RBMS3: variants seen among roughly 807,000 people sequenced by gnomAD.
RBMS3 encodes the protein RNA binding motif single stranded interacting protein 3.
A neutral mutation model predicts 66.8 loss-of-function variants in RBMS3; 27 were observed. The observed-to-expected ratio is 0.40, with a 90% CI of 0.30 to 0.56. The LOEUF is 0.56. RBMS3 is among the 20% of genes least tolerant of loss of function. The pLI is 0.40. For missense variants in RBMS3, 513 were observed against 549.5 expected, an observed-to-expected ratio of 0.93 and a Z score of 0.66; for synonymous variants, 188 against 183.0, an observed-to-expected ratio of 1.03 and a Z score of -0.22.
intron 1 of RBMS3, among the ~76,000 whole-genome samples, chr3:29,423,370 C>T (rs150602596): frequency 1.8e-4 from 27 of 152,256 alleles, no homozygotes; most frequent in African/African-American, 6.3e-4. Flanking sequence ...ATTTTTACTT[C>T]CTACAAATCT....
chr3:29,284,634 ATC>A (rs1302060308), intron 1 of RBMS3, among the ~76,000 whole-genome samples: 1 of 152,064 alleles, frequency 6.6e-6, no homozygotes, highest in Non-Finnish European at 1.5e-5. Context: ...ATTGGAATGA[ATC>A]TCTCAACTTT....
intron 5 of RBMS3, among the ~76,000 whole-genome samples, chr3:29,742,331 C>T (rs1307977956): frequency 1.3e-5 from 2 of 152,114 alleles, no homozygotes; most frequent in African/African-American, 4.8e-5. Context: ...ACAGTGAGCC[C>T]TTCAATATTC....
chr3:29,647,627 T>C (rs974353166), intron 4 of RBMS3, among the ~76,000 whole-genome samples: 3 of 152,194 alleles, frequency 2.0e-5, no homozygotes, highest in Admixed American at 1.3e-4. Flanking sequence ...GAACTTGGTA[T>C]GATTGGAACA....
At chr3:29,852,507 T>C (rs896733327) in intron 6 of RBMS3, among the ~76,000 whole-genome samples, 10 of 152,102 alleles carry the variant, frequency 6.6e-5, no homozygotes, top group African/African-American at 2.4e-4. Context: ...AGGACATGAA[T>C]AGATCCTTTT....
intron 1 of RBMS3, among the ~76,000 whole-genome samples, chr3:29,429,670 C>A (rs572665990): frequency 6.6e-6 from 1 of 152,250 alleles, no homozygotes; most frequent in African/African-American, 2.4e-5. Flanking sequence ...AACCCCAGAC[C>A]GTAAGTACTC....
intron 5 of RBMS3, among the ~76,000 whole-genome samples, chr3:29,752,752 G>A (rs1032794189): frequency 7.9e-5 from 12 of 151,980 alleles, no homozygotes; most frequent in Non-Finnish European, 1.2e-4. Context: ...TATTAGCTAG[G>A]CTATCCTAAA....
rs1052788949 is a variant in RBMS3 at position 29,366,833 on chromosome 3, T to A, written c.76-67910T>A. 9.2e-5 allele frequency among the ~76,000 whole-genome samples: 14 copies of A among 152,348 alleles called. No homozygotes were observed. The East Asian group carries it at 1.3e-3, about 15-fold the overall frequency. On this transcript the variant is annotated intron_variant, in intron 1 of 14. Coordinates refer to ENST00000383767, the MANE Select transcript of RBMS3 (RefSeq NM_001003793.3). ...TCTTTCTATAGCGGGGCTGTGTCAC[T>A]TTTTGATGACTTTTTTGCCATTTTT...
chr3:29,315,399 C>T (rs1443475786), intron 1 of RBMS3, among the ~76,000 whole-genome samples: 1 of 151,810 alleles, frequency 6.6e-6, no homozygotes, highest in African/African-American at 2.4e-5. Flanking sequence ...CATTATATTT[C>T]TTCCTCCCCT....
intron 2 of RBMS3, among the ~76,000 whole-genome samples, chr3:29,486,205 A>G (rs1047958664): frequency 2.0e-5 from 3 of 152,180 alleles, no homozygotes; most frequent in South Asian, 2.1e-4. Flanking sequence ...TCATGCAGAA[A>G]GTACCTGTTT....
intron 7 of RBMS3, among the ~76,000 whole-genome samples, chr3:29,882,317 CA>C (rs375884553): frequency 6.6e-6 from 1 of 151,588 alleles, no homozygotes; most frequent in African/African-American, 2.4e-5. Context: ...TCTCCCATGG[CA>C]AAAAAACAAA....
chr3:29,356,551 G>A (rs917457744), intron 1 of RBMS3, among the ~76,000 whole-genome samples: 1 of 151,508 alleles, frequency 6.6e-6, no homozygotes, highest in Admixed American at 6.6e-5. Context: ...TATTAAATAA[G>A]CATTCATGAT....
At chr3:29,727,762 G>A (rs1290860316) in intron 4 of RBMS3, among the ~76,000 whole-genome samples, 2 of 152,198 alleles carry the variant, frequency 1.3e-5, no homozygotes, top group Non-Finnish European at 2.9e-5. Context: ...GTTGGTGGGA[G>A]TGTAAATTAG....
At chr3:29,891,590 C>T (rs2060002681) in intron 8 of RBMS3, among the ~76,000 whole-genome samples, 1 of 151,438 alleles carries the variant, frequency 6.6e-6, no homozygotes, top group Non-Finnish European at 1.5e-5. Context: ...GGGAAATATT[C>T]CCTCCCATAT....
chr3:29,496,148 A>G (rs1407642897), intron 3 of RBMS3, among the ~76,000 whole-genome samples: 1 of 150,504 alleles, frequency 6.6e-6, no homozygotes, highest in Non-Finnish European at 1.5e-5. Flanking sequence ...TGAAAAACAC[A>G]TTTATTCAAT....
intron 4 of RBMS3, among the ~76,000 whole-genome samples, chr3:29,686,208 C>G (rs2051726431): frequency 6.6e-6 from 1 of 152,178 alleles, no homozygotes; most frequent in African/African-American, 2.4e-5. Context: ...AACCATATCT[C>G]TATTACTCTA....
intron 1 of RBMS3, among the ~76,000 whole-genome samples, chr3:29,388,657 C>T (rs2039126340): frequency 6.6e-6 from 1 of 152,202 alleles, no homozygotes; most frequent in Non-Finnish European, 1.5e-5. Flanking sequence ...TCACTGCCAG[C>T]TCTGCCTCAC....
chr3:29,598,926 G>C (rs1002099131), intron 4 of RBMS3, among the ~76,000 whole-genome samples: 3 of 151,926 alleles, frequency 2.0e-5, no homozygotes, highest in African/African-American at 7.2e-5. Flanking sequence ...TTAAGCTAAG[G>C]AGCAAAGAGA....
At chr3:29,348,024 C>G (rs943143599) in intron 1 of RBMS3, among the ~76,000 whole-genome samples, 2 of 152,086 alleles carry the variant, frequency 1.3e-5, no homozygotes, top group Admixed American at 6.5e-5. Flanking sequence ...TGTAGGGTCT[C>G]TTTATCAATA....
chr3:29,999,333 A>C (rs1180635581), intron 14 of RBMS3, among the ~76,000 whole-genome samples: 1 of 152,220 alleles, frequency 6.6e-6, no homozygotes, highest in African/African-American at 2.4e-5. Context: ...AACTAGTTCA[A>C]ACATTGTAGA....
Sources: gnomAD v4.1 joint callset for allele counts (sites outside exome capture counted in the v4.1 genomes callset) on GRCh38, gnomAD v4.1.1 for gene constraint, MANE v1.5 for transcripts, NCBI Gene and HGNC (gene_info 2026-07-23, HGNC 2026-07-21) for gene names.